The following CTNNA2 variants were observed in gnomAD, a reference collection of about 807,000 sequenced individuals.
CTNNA2 encodes catenin alpha-2.
A neutral mutation model predicts 101.0 loss-of-function variants in CTNNA2; 42 were observed. The observed-to-expected ratio is 0.42, with a 90% CI of 0.32 to 0.54. The LOEUF (loss-of-function observed/expected upper bound fraction) is 0.54, where lower values mean the gene tolerates loss of function less well. Among genes scored for constraint, CTNNA2 ranks in the 20% least tolerant of loss-of-function variants. CTNNA2 has a pLI of 0.14. For synonymous variants in CTNNA2, 450 were observed against 456.4 expected, an observed-to-expected ratio of 0.99 and a Z score of 0.18; for missense variants, 871 against 1,223.1, an observed-to-expected ratio of 0.71 and a Z score of 4.29.
chr2:79,355,745 G>C (rs1677495183), intron 3 of CTNNA2, among the ~76,000 whole-genome samples: 2 of 152,044 alleles, frequency 1.3e-5, no homozygotes, highest in East Asian at 3.8e-4. Context: ...ATGTTTTCTA[G>C]GTTATCCACA....
chr2:80,004,672 CATTTATTTATTTATTTATTTATTT>C (rs59472149), intron 7 of CTNNA2, among the ~76,000 whole-genome samples: 1 of 145,562 alleles, frequency 6.9e-6, no homozygotes, highest in African/African-American at 2.6e-5. Flanking sequence ...TTTTATTTTA[CATTTATTTATTTATTTATTTATTT>C]ATTTATTTAT....
At chr2:80,399,353 T>C (rs1169319574) in intron 8 of CTNNA2, among the ~76,000 whole-genome samples, 1 of 152,212 alleles carries the variant, frequency 6.6e-6, no homozygotes, top group Non-Finnish European at 1.5e-5. Context: ...TTGGGCTAGC[T>C]GTTCTCTTGT....
intron 6 of CTNNA2, among the ~76,000 whole-genome samples, chr2:79,903,452 C>T (rs145338517): frequency 6.6e-5 from 10 of 152,110 alleles, no homozygotes; most frequent in Middle Eastern, 3.4e-3. Flanking sequence ...TTCATCATTG[C>T]CTAAAGGGGT....
intron 3 of CTNNA2, among the ~76,000 whole-genome samples, chr2:79,830,540 C>G (rs1007659828): frequency 1.3e-5 from 2 of 152,154 alleles, no homozygotes; most frequent in Non-Finnish European, 2.9e-5. Flanking sequence ...CACAGTGTTG[C>G]CCAGGTATGA....
At chr2:80,313,654 G>C (rs1471810155) in intron 7 of CTNNA2, 2 of 1,603,118 alleles carry the variant, frequency 1.2e-6, no homozygotes, top group African/African-American at 1.3e-5. Flanking sequence ...CTGGAGCACA[G>C]GTATGCAGGA....
intron 17 of CTNNA2, among the ~76,000 whole-genome samples, chr2:80,609,442 A>G (rs1016496237): frequency 6.6e-6 from 1 of 151,658 alleles, no homozygotes; most frequent in Admixed American, 6.6e-5. Flanking sequence ...GAGCCCAGTA[A>G]ATTGGCTATT....
At chr2:80,445,977 G>A (rs12463849) in intron 9 of CTNNA2, among the ~76,000 whole-genome samples, 3,129 of 152,210 alleles carry the variant, frequency 0.021, 47 homozygotes, top group Non-Finnish European at 0.031. Context: ...AAAATGGGGA[G>A]TATTGTCAGT....
chr2:79,948,894 G>A (rs1688687336), intron 7 of CTNNA2, among the ~76,000 whole-genome samples: 1 of 152,136 alleles, frequency 6.6e-6, no homozygotes, highest in African/African-American at 2.4e-5. Flanking sequence ...CGTGAACCCG[G>A]GAGGCGGAGC....
At chr2:79,567,187 A>C (rs148493603) in intron 1 of CTNNA2, among the ~76,000 whole-genome samples, 2 of 152,186 alleles carry the variant, frequency 1.3e-5, no homozygotes, top group African/African-American at 4.8e-5. Flanking sequence ...TTGTGATTGC[A>C]TGAGGGCAAT....
chr2:79,339,441 C>A (rs1352385035), intron 3 of CTNNA2, among the ~76,000 whole-genome samples: 1 of 152,044 alleles, frequency 6.6e-6, no homozygotes, highest in Non-Finnish European at 1.5e-5. Context: ...GGAAGGCAAG[C>A]GACACTACCA....
intron 6 of CTNNA2, among the ~76,000 whole-genome samples, chr2:79,890,870 G>T (rs906200821): frequency 1.4e-5 from 2 of 139,746 alleles, no homozygotes; most frequent in East Asian, 2.1e-4. Flanking sequence ...GTGCTTCAAA[G>T]GTGATGCCTT....
At chr2:79,781,509 C>A (rs148221212) in intron 3 of CTNNA2, among the ~76,000 whole-genome samples, 1 of 152,264 alleles carries the variant, frequency 6.6e-6, no homozygotes, top group Non-Finnish European at 1.5e-5. Context: ...ACACTAGGAG[C>A]TTTAGTGTAT....
chr2:79,249,768 T>G (rs917929262), intron 2 of CTNNA2, among the ~76,000 whole-genome samples: 1 of 152,208 alleles, frequency 6.6e-6, no homozygotes, highest in African/African-American at 2.4e-5. Context: ...TCTTCTTGCA[T>G]AGTTTCCAAC....
At chr2:80,158,844 G>A (rs1238932335) in intron 7 of CTNNA2, among the ~76,000 whole-genome samples, 2 of 151,810 alleles carry the variant, frequency 1.3e-5, no homozygotes, top group South Asian at 2.1e-4. Context: ...CTGGAAGGCA[G>A]AGCTTGCAGT....
intron 7 of CTNNA2, among the ~76,000 whole-genome samples, chr2:80,186,880 A>G (rs1384420302): frequency 6.6e-6 from 1 of 152,238 alleles, no homozygotes. Flanking sequence ...AAGTCTCACT[A>G]ATCAACTCAC....
chr2:79,468,058 G>A (rs1670958410), intron 4 of CTNNA2, among the ~76,000 whole-genome samples: 1 of 152,140 alleles, frequency 6.6e-6, no homozygotes, highest in African/African-American at 2.4e-5. Context: ...TGGGCTAAAT[G>A]CTCCAATTAA....
At chr2:79,541,418 G>GCACACACA (rs140370503) in intron 1 of CTNNA2, among the ~76,000 whole-genome samples, 1 of 48,308 alleles carries the variant, frequency 2.1e-5, no homozygotes, top group African/African-American at 8.4e-5. Flanking sequence ...ATACACACAC[G>GCACACACA]CACACACACA....
At chr2:79,514,897 T>C (rs1348790848) in intron 1 of CTNNA2, among the ~76,000 whole-genome samples, 1 of 152,238 alleles carries the variant, frequency 6.6e-6, no homozygotes, top group African/African-American at 2.4e-5. Flanking sequence ...TTGATTTTTT[T>C]CTTTTCATTT....
chr2:80,440,541 C>A (rs140499911), intron 9 of CTNNA2, among the ~76,000 whole-genome samples: 1 of 152,142 alleles, frequency 6.6e-6, no homozygotes, highest in African/African-American at 2.4e-5. Context: ...CACATTGAGA[C>A]GAAGTTAGAC....
Sources: allele counts gnomAD v4.1 joint callset (sites outside exome capture counted in the v4.1 genomes callset), GRCh38; gene constraint gnomAD v4.1.1; transcripts MANE v1.5; gene names NCBI Gene and HGNC (gene_info 2026-07-23, HGNC 2026-07-21).